The following GRIPAP1 variants were observed in gnomAD, a reference collection of about 807,000 sequenced individuals.
GRIPAP1 encodes GRIP1-associated protein 1.
A neutral mutation model predicts 84.1 loss-of-function variants in GRIPAP1; 14 were observed. That is an observed-to-expected ratio of 0.17 (90% CI 0.11 to 0.26). The LOEUF (loss-of-function observed/expected upper bound fraction) is 0.26, where lower values mean the gene tolerates loss of function less well. GRIPAP1 is among the 10% of genes least tolerant of loss of function. GRIPAP1 has a pLI of 1.00. For synonymous variants in GRIPAP1, 261 were observed against 256.8 expected, an observed-to-expected ratio of 1.02 and a Z score of -0.15; for missense variants, 518 against 674.2, an observed-to-expected ratio of 0.77 and a Z score of 2.57.
rs782284032 is a variant in GRIPAP1 at position 48,995,609 on chromosome X, A to T, written c.306+1641T>A. ...GGTGGATATAAAACTTTTTTTTTTTAAATTGAGACAGAGTCTTGCTCTGTC... is the reference window on the plus strand; with the variant it reads ...GGTGGATATAAAACTTTTTTTTTTTTAATTGAGACAGAGTCTTGCTCTGTC... On this transcript the variant is annotated intron_variant, in intron 5 of 25. Transcript: ENST00000376423. Among the ~76,000 whole-genome samples the T allele has an allele frequency of 8.2e-5, 9 of 109,384 alleles. No homozygotes were observed. In the East Asian group the frequency reaches 1.2e-3, roughly 14 times the overall value. The allele number at this position is 109,384 out of a possible 115,157, so 95.0% of individuals were successfully genotyped here.
At chrX:48,979,517 C>G (rs1197689111) in intron 21 of GRIPAP1, among the ~76,000 whole-genome samples, 10 of 102,860 alleles carry the variant, frequency 9.7e-5, no homozygotes, top group African/African-American at 3.5e-4. Context: ...TGCAAGCAGG[C>G]TCTCGTACCC....
At chrX:48,998,225 G>A in intron 3 of GRIPAP1, 45 bp from the exon 4 acceptor site, 1 of 1,001,419 alleles carries the variant, frequency 1.0e-6, no homozygotes, top group East Asian at 3.1e-5. Context: ...GAACAGAGAT[G>A]GACTGCCTTA....
At chrX:48,989,801 A>G (rs781856888) in intron 10 of GRIPAP1, 34 bp downstream of exon 10, 3 of 1,186,932 alleles carry the variant, frequency 2.5e-6, no homozygotes, top group African/African-American at 1.7e-5. Context: ...CACTGTCCCA[A>G]TTGTCCACCA....
chrX:48,993,744 T>C (rs968230778), intron 5 of GRIPAP1, among the ~76,000 whole-genome samples, 166 bp from the exon 6 acceptor site: 14 of 112,489 alleles, frequency 1.2e-4, no homozygotes, highest in African/African-American at 3.6e-4. Flanking sequence ...GGCACAGAGA[T>C]GTTAAACAAG....
intron 25 of GRIPAP1, 132 bp downstream of exon 25, chrX:48,975,023 G>C (rs781898239): frequency 4.5e-5 from 22 of 491,718 alleles, no homozygotes; most frequent in Admixed American, 7.6e-5. Context: ...TAGTTGATGA[G>C]TGGGTAGGAG....
chrX:48,999,339 G>A (rs1557067713), intron 2 of GRIPAP1, 40 bp from the exon 3 acceptor site: 4 of 1,153,223 alleles, frequency 3.5e-6, no homozygotes, highest in Non-Finnish European at 4.7e-6. Context: ...CTCAGCCAGT[G>A]GCAAGAAACT....
Position 48,989,647 on chromosome X carries a change from G to C in GRIPAP1, c.834C>G (p.Thr278=). 8.3e-7 allele frequency: 1 copy of C among 1,206,240 alleles called. No individual in the cohort carries two copies. The highest frequency in any genetic ancestry group is 2.2e-5 in the Admixed American group (1 of 45,973). The change falls in exon 11 of 26, where the codon ACC becomes ACG. Residue 278 remains threonine, a synonymous_variant. Coordinates refer to ENST00000376423, the MANE Select transcript of GRIPAP1 (RefSeq NM_020137.5). ...EADHKAQLAR[T]QKLQQELEAA... is the part of the protein sequence containing the mutation. ...CCTCAAGTTCCTGCTGCAGCTTCTG[G>C]GTTCGAGCCAACTGGGCTTTGTGAT...
chrX:48,996,434 T>C (rs1254493554), intron 5 of GRIPAP1, among the ~76,000 whole-genome samples: 1 of 112,019 alleles, frequency 8.9e-6, no homozygotes, highest in East Asian at 2.8e-4. Flanking sequence ...GGTCATTTTC[T>C]CTACTAAATG....
intron 21 of GRIPAP1, among the ~76,000 whole-genome samples, chrX:48,980,437 T>C (rs1456474743): frequency 6.3e-5 from 7 of 110,562 alleles, no homozygotes; most frequent in African/African-American, 2.3e-4. Flanking sequence ...GGGAGATTTA[T>C]AGAATGAGAG....
intron 14 of GRIPAP1, 80 bp from the exon 15 acceptor site, chrX:48,983,950 A>G (rs2064472388): frequency 3.3e-6 from 2 of 599,444 alleles, no homozygotes; most frequent in East Asian, 3.3e-5. Context: ...CTGGTAGACC[A>G]TCTCCCTTCT....
chrX:48,997,154 G>T (rs1203005451), intron 5 of GRIPAP1, 96 bp downstream of exon 5: 4 of 550,573 alleles, frequency 7.3e-6, no homozygotes, highest in Admixed American at 2.8e-5. Context: ...GTGCTCCAGG[G>T]CCAGACCCTG....
At chrX:48,982,738 GAA>G (rs2064464627) in intron 17 of GRIPAP1, among the ~76,000 whole-genome samples, 1 of 112,646 alleles carries the variant, frequency 8.9e-6, no homozygotes, top group Non-Finnish European at 1.9e-5. Flanking sequence ...AGTTTCAGGA[GAA>G]AGAGGTGCCT....
Position 49,002,249 on chromosome X carries a change from C to A in GRIPAP1, c.-20G>T, listed in dbSNP as rs782687156. 18 of 1,081,993 alleles carry A rather than the reference C, an allele frequency of 1.7e-5. 1 individual carries two copies. The highest frequency in any genetic ancestry group is 2.0e-5 in the Non-Finnish European group (16 of 790,448). 89.2% of individuals were successfully genotyped at this position (1,081,993 alleles called of 1,213,427 possible). On this transcript the variant is annotated 5_prime_UTR_variant, in exon 1 of 26. Transcript: ENST00000376423. ...CGCCATGTTCCTCCCCCCACCCCCC[C>A]GCCAGCTTTCTGCGCAGACGCAGCT...
At chrX:48,998,944 C>A (rs1412161241) in intron 3 of GRIPAP1, 4 of 302,015 alleles carry the variant, frequency 1.3e-5, no homozygotes, top group Non-Finnish European at 2.3e-5. Context: ...GAGGCAGATT[C>A]GAGGTAGATT....
intron 1 of GRIPAP1, chrX:49,000,841 C>A (rs1158557007): frequency 9.0e-6 from 1 of 110,743 alleles, no homozygotes; most frequent in African/African-American, 3.3e-5. Flanking sequence ...CTCCCTCCCA[C>A]GCCACCAGCC....
Position 48,990,668 on chromosome X carries a change from G to C in GRIPAP1, c.690+17C>G. The C allele has an allele frequency of 8.4e-7, 1 of 1,186,824 alleles. No homozygotes were observed. The highest frequency in any genetic ancestry group is 1.1e-6 in the Non-Finnish European group (1 of 876,955). ...AGCAGATTGGGAGCAGAATGGGAAA[G>C]AGCCAAGCAGCCGCACCTTAGCAAG... is the stretch of plus-strand genomic sequence containing the variant. On this transcript the variant is annotated intron_variant, in intron 8 of 25. Transcript: ENST00000376423.
intron 5 of GRIPAP1, among the ~76,000 whole-genome samples, chrX:48,995,097 G>A (rs782436753): frequency 3.6e-5 from 4 of 112,086 alleles, no homozygotes; most frequent in Admixed American, 9.5e-5. Context: ...ACTATTTGTC[G>A]AAGGAACAAT....
In GRIPAP1 at chrX:48,981,280, C is replaced by T. The variant is rs782100480; in HGVS notation, c.1865G>A (p.Arg622Gln). 9.9e-6 allele frequency: 12 copies of T among 1,209,559 alleles called. No individual in the cohort carries two copies. Among genetic ancestry groups the T allele is most frequent in the East Asian group, 3.0e-5 (1 of 33,771 alleles). The change falls in exon 21 of 26, where the codon CGG becomes CAG. Residue 622 changes from arginine (R) to glutamine (Q), a missense_variant. Physicochemically the swap from Arg to Gln is conservative, Grantham distance 43 (BLOSUM62 1). Around this residue, in one of 5 missense-constraint regions of GRIPAP1, gnomAD observed 18 missense variants for 44.8 expected, o/e 0.40. Transcript: ENST00000376423. Reference sequence around the variant, plus strand: ...CTCCTGCAGCTTATCTGCCCGTTTCCGCTCCAAATGCAGCTGCCGCTTGAG... The same window carrying T: ...CTCCTGCAGCTTATCTGCCCGTTTCTGCTCCAAATGCAGCTGCCGCTTGAG... Reference protein sequence around the residue: ...KDLKRQLHLERKRADKLQERL... With the variant: ...KDLKRQLHLEQKRADKLQERL...
chrX:48,978,196 G>T, intron 22 of GRIPAP1, 109 bp downstream of exon 22: 1 of 865,483 alleles, frequency 1.2e-6, no homozygotes, highest in Non-Finnish European at 1.6e-6. Context: ...GAAAATATGT[G>T]TGCTGCGCCC....
Sources: allele counts gnomAD v4.1 joint callset (sites outside exome capture counted in the v4.1 genomes callset), GRCh38; gene constraint gnomAD v4.1.1; regional missense constraint gnomAD v4.1.1; transcripts MANE v1.5; gene names NCBI Gene and HGNC (gene_info 2026-07-23, HGNC 2026-07-21).